The following HERC3 variants were observed in gnomAD, a reference collection of about 807,000 sequenced individuals.
HERC3 encodes HECT and RLD domain containing E3 ubiquitin protein ligase 3, also known as probable E3 ubiquitin-protein ligase HERC3.
A neutral mutation model predicts 129.9 loss-of-function variants in HERC3; 58 were observed. The ratio of observed to expected loss-of-function variants is 0.45; its 90% CI spans 0.36 to 0.56. The LOEUF (loss-of-function observed/expected upper bound fraction) is 0.56. Ranked by LOEUF, HERC3 falls within the 20% of genes least tolerant of loss-of-function variation. The probability of loss-of-function intolerance (pLI) is 0.00; values close to 1 mark genes in which losing one functional copy is unlikely to be tolerated. For synonymous variants in HERC3, 430 were observed against 451.0 expected (o/e 0.95, Z 0.59); for missense variants, 835 against 1,244.2 (o/e 0.67, Z 4.95).
At chr4:88,691,004 A>G (rs1405043460) in intron 23 of HERC3, among the ~76,000 whole-genome samples, 1 of 152,216 alleles carries the variant, frequency 6.6e-6, no homozygotes, top group Non-Finnish European at 1.5e-5. Context: ...CAGAGAAGTC[A>G]GCTTGGACAG....
At chr4:88,635,831 T>TG (rs1450922863) in intron 3 of HERC3, among the ~76,000 whole-genome samples, 1 of 151,222 alleles carries the variant, frequency 6.6e-6, no homozygotes, top group East Asian at 1.9e-4. Context: ...CAGAAGAGAG[T>TG]GGGGGTCAAT....
the HERC3 span, among the ~76,000 whole-genome samples, chr4:88,552,526 T>G: frequency 6.6e-6 from 1 of 152,198 alleles, no homozygotes; most frequent in Non-Finnish European, 1.5e-5. Context: ...GTGCTGGGGT[T>G]ACAGGCATGG....
chr4:88,685,815 A>T (rs1226342335), intron 21 of HERC3, among the ~76,000 whole-genome samples: 1 of 152,084 alleles, frequency 6.6e-6, no homozygotes, highest in Non-Finnish European at 1.5e-5. Flanking sequence ...AAAAGTAAAG[A>T]TGTGTTTTCT....
the HERC3 span, among the ~76,000 whole-genome samples, chr4:88,576,333 T>A: frequency 6.6e-6 from 1 of 152,154 alleles, no homozygotes; most frequent in South Asian, 2.1e-4. Context: ...TCATTGAATG[T>A]CCAATAAAAT....
chr4:88,687,374 A>C (rs1297438093), intron 23 of HERC3, 75 bp downstream of exon 23: 1 of 948,426 alleles, frequency 1.1e-6, no homozygotes, highest in Non-Finnish European at 1.6e-6. Flanking sequence ...GACCAAAATA[A>C]AAATTACTTT....
Position 88,654,093 on chromosome 4 carries a change from A to G in HERC3, c.737A>G (p.Tyr246Cys), listed in dbSNP as rs764567147. The change falls in exon 7 of 26, where the codon TAT becomes TGT. Residue 246 changes from tyrosine (Y) to cysteine (C), a missense_variant. By Grantham distance (194) the Tyr-to-Cys change is radical. Transcript: ENST00000402738. ...VKLLRTQKVV[Y>C]ISCGEEHTAV... ...CTCTTACGCACGCAAAAAGTTGTCTATATTAGTTGTGGAGAAGAACACACA... is the reference window on the plus strand; with the variant it reads ...CTCTTACGCACGCAAAAAGTTGTCTGTATTAGTTGTGGAGAAGAACACACA... The G allele has an allele frequency of 3.1e-6, 5 of 1,613,588 alleles. No individual in the cohort carries two copies. Among genetic ancestry groups the G allele is most frequent in the South Asian group, 1.1e-5 (1 of 91,054 alleles).
intron 12 of HERC3, among the ~76,000 whole-genome samples, chr4:88,666,585 G>A (rs942294570): frequency 1.3e-5 from 2 of 152,164 alleles, no homozygotes; most frequent in Non-Finnish European, 2.9e-5. Flanking sequence ...TAACATTGCT[G>A]TCAGAGTGTA....
intron 3 of HERC3, among the ~76,000 whole-genome samples, chr4:88,623,187 T>C (rs1401960952): frequency 1.3e-5 from 2 of 152,242 alleles, no homozygotes; most frequent in African/African-American, 4.8e-5. Flanking sequence ...CTGAAGTTTT[T>C]GATGCAAGTG....
At chr4:88,654,617 G>A (rs1729688852) in intron 7 of HERC3, among the ~76,000 whole-genome samples, 1 of 150,358 alleles carries the variant, frequency 6.7e-6, no homozygotes, top group Non-Finnish European at 1.5e-5. Flanking sequence ...ATTTAAATAT[G>A]TAAAAAAGAA....
In HERC3 at chr4:88,687,327, A is replaced by G. The variant is rs753156619; in HGVS notation, c.2657+28A>G. On this transcript the variant is annotated intron_variant, in intron 23 of 25. Transcript: ENST00000402738. ...TAGTCCTGACCTTGGACTGTTGCAG[A>G]TACTGCTACTTCATATTTCTGCAGT... 1.5e-5 allele frequency: 21 copies of G among 1,401,848 alleles called. No individual in the cohort carries two copies. The South Asian group carries it at 2.5e-4, about 17-fold the overall frequency. 86.8% of individuals were successfully genotyped at this position (1,401,848 alleles called of 1,614,324 possible).
Position 88,681,299 on chromosome 4 carries a change from A to G in HERC3, c.2481A>G (p.Leu827=), listed in dbSNP as rs1017780940. The change falls in exon 21 of 26, where the codon TTA becomes TTG. Residue 827 remains leucine, a synonymous_variant. Transcript: ENST00000402738. ...ATGTAAAGCCTGGCTTGGAAGACTT[A>G]AAGGAGTTGTCACCCACTGAAGGAA... ...LLNVKPGLED[L]KELSPTEGRS... is the part of the protein sequence containing the mutation. 3 of 1,612,798 alleles carry G rather than the reference A, an allele frequency of 1.9e-6. No individual in the cohort carries two copies. Among genetic ancestry groups the G allele is most frequent in the Non-Finnish European group, 1.7e-6 (2 of 1,179,616 alleles).
intron 3 of HERC3, among the ~76,000 whole-genome samples, chr4:88,618,323 A>T (rs1725146289): frequency 6.6e-6 from 1 of 152,214 alleles, no homozygotes; most frequent in African/African-American, 2.4e-5. Context: ...GTAGAAAAGC[A>T]ATGGGGAATG....
chr4:88,542,860 A>C, the HERC3 span, among the ~76,000 whole-genome samples: 2 of 152,232 alleles, frequency 1.3e-5, no homozygotes, highest in Non-Finnish European at 2.9e-5. Flanking sequence ...CTATAGTTGC[A>C]GAAAAGGCCT....
Position 88,610,941 on chromosome 4 carries a change from C to T in HERC3, c.226+4892C>T, listed in dbSNP as rs112706029. Among the ~76,000 whole-genome samples the T allele has an allele frequency of 5.0e-3, 758 of 152,318 alleles. 6 individuals are homozygous for T. Among genetic ancestry groups the T allele is most frequent in the African/African-American group, 0.017 (721 of 41,560 alleles). On this transcript the variant is annotated intron_variant, in intron 3 of 25. Transcript: ENST00000402738. ...CACTGCGTCTGTCTGCATACTGGGTCAGCTGGCCCTCAGTCATCCTGCAGA... is the reference window on the plus strand; with the variant it reads ...CACTGCGTCTGTCTGCATACTGGGTTAGCTGGCCCTCAGTCATCCTGCAGA...
rs767426766 is a variant in HERC3 at position 88,680,265 on chromosome 4, A to T, written c.2340+29A>T. Reference sequence around the variant, plus strand: ...AGTAAGTGGTGTCACAATTAAACAGATGGATTAAATTAAACTTTCTTTTTG... The same window carrying T: ...AGTAAGTGGTGTCACAATTAAACAGTTGGATTAAATTAAACTTTCTTTTTG... On this transcript the variant is annotated intron_variant, in intron 20 of 25. Coordinates refer to ENST00000402738, the MANE Select transcript of HERC3 (RefSeq NM_014606.3). The T allele has an allele frequency of 2.0e-6, 3 of 1,533,336 alleles. No individual in the cohort carries two copies. The East Asian group carries it at 7.0e-5, about 36-fold the overall frequency. 95.0% of individuals were successfully genotyped at this position (1,533,336 alleles called of 1,614,324 possible). A position where few individuals can be genotyped will look rare whatever the true frequency, so the allele number is the denominator to read the frequency against.
chr4:88,681,080 T>G (rs1336491492), intron 20 of HERC3, 79 bp from the exon 21 acceptor site: 1 of 1,477,504 alleles, frequency 6.8e-7, no homozygotes, highest in Non-Finnish European at 9.0e-7. Flanking sequence ...TTTGAAAATA[T>G]TTTGAGGGAA....
chr4:88,704,641 G>C (rs1735619410), intron 25 of HERC3, 31 bp downstream of exon 25: 1 of 1,363,022 alleles, frequency 7.3e-7, no homozygotes, highest in African/African-American at 1.4e-5. Context: ...TATGGTATTT[G>C]TCTACATTTT....
intron 19 of HERC3, 29 bp downstream of exon 19, chr4:88,678,163 TA>T: frequency 1.9e-6 from 3 of 1,599,936 alleles, no homozygotes; most frequent in Non-Finnish European, 2.6e-6. Context: ...TTCCTCTAAA[TA>T]CCTTCGCAAT....
At chr4:88,632,369 A>G (rs1726870138) in intron 3 of HERC3, among the ~76,000 whole-genome samples, 1 of 152,238 alleles carries the variant, frequency 6.6e-6, no homozygotes, top group African/African-American at 2.4e-5. Flanking sequence ...GTAATATCCA[A>G]AATGTTCATG....
Sources: allele counts gnomAD v4.1 joint callset (sites outside exome capture counted in the v4.1 genomes callset), GRCh38; gene constraint gnomAD v4.1.1; transcripts MANE v1.5; gene names NCBI Gene and HGNC (gene_info 2026-07-23, HGNC 2026-07-21).